Variants in FANK1 observed in about 807,000 individuals in gnomAD.
FANK1 encodes the protein fibronectin type 3 and ankyrin repeat domains protein 1.
Under a neutral mutation model 45.3 loss-of-function variants are expected in FANK1, and 44 were observed. That is an observed-to-expected ratio of 0.97 (90% CI 0.76 to 1.25). The LOEUF (loss-of-function observed/expected upper bound fraction) is 1.25. Among genes scored for constraint, FANK1 ranks in the 50% most tolerant of loss-of-function variants. FANK1 has a pLI of 0.00. For synonymous variants in FANK1, 149 were observed against 152.5 expected (o/e 0.98, Z 0.17); for missense variants, 391 against 424.4 (o/e 0.92, Z 0.69).
chr10:125,916,921 TTC>T (rs1946490606), intron 1 of FANK1, among the ~76,000 whole-genome samples: 1 of 152,198 alleles, frequency 6.6e-6, no homozygotes, highest in Non-Finnish European at 1.5e-5. Flanking sequence ...AGGAACATCC[TTC>T]TCTCTGAAGA....
At chr10:125,974,513 G>T (rs1172616727) in intron 1 of FANK1, among the ~76,000 whole-genome samples, 1 of 152,226 alleles carries the variant, frequency 6.6e-6, no homozygotes, top group Non-Finnish European at 1.5e-5. Context: ...GAAACTTAAA[G>T]TGTAGCAGGG....
chr10:125,952,235 A>G (rs1949284915), intron 1 of FANK1, among the ~76,000 whole-genome samples: 1 of 152,072 alleles, frequency 6.6e-6, no homozygotes, highest in East Asian at 1.9e-4. Flanking sequence ...AATTATGTAC[A>G]CTATTTTTTG....
intron 8 of FANK1, 137 bp from the exon 9 acceptor site, chr10:126,008,917 G>C: frequency 1.3e-6 from 1 of 757,798 alleles, no homozygotes; most frequent in African/African-American, 1.8e-5. Context: ...TGTGCCTGCA[G>C]GCCATGCAAA....
At position 125,988,547 on chromosome 10, in the gene FANK1, C is replaced by T. The variant is rs1239235075; in HGVS notation, c.192-4C>T. The T allele has an allele frequency of 1.2e-6, 2 of 1,613,754 alleles. No individual in the cohort carries two copies. On this transcript the variant is annotated splice_region_variant and splice_polypyrimidine_tract_variant and intron_variant, in intron 2 of 10. Coordinates refer to ENST00000368693, the MANE Select transcript of FANK1 (RefSeq NM_145235.5). ...TATCAGCATGTTTGTCTCCTCCTGT[C>T]TAGGGGATATGCAACGAAGCATGTT...
At chr10:125,980,497 A>G (rs1444759604) in intron 2 of FANK1, 159 bp downstream of exon 2, 1 of 705,938 alleles carries the variant, frequency 1.4e-6, no homozygotes, top group East Asian at 2.8e-5. Context: ...TTTGGAAAAT[A>G]GGCATTAGCA....
At chr10:125,975,308 C>A (rs1039738832) in intron 1 of FANK1, among the ~76,000 whole-genome samples, 15 of 152,176 alleles carry the variant, frequency 9.9e-5, no homozygotes, top group Admixed American at 9.8e-4. Flanking sequence ...AGTGAACATT[C>A]ACATGCATGT....
intron 7 of FANK1, chr10:126,007,096 CTT>C (rs1447797751): frequency 1.3e-5 from 2 of 152,220 alleles, no homozygotes; most frequent in Non-Finnish European, 2.9e-5. Context: ...CAACATGAGT[CTT>C]TCCATATTCT....
intron 6 of FANK1, among the ~76,000 whole-genome samples, chr10:125,997,889 C>T (rs2886649): frequency 0.051 from 7,814 of 152,278 alleles, 511 homozygotes; most frequent in African/African-American, 0.15. Context: ...AAGAAATCTT[C>T]GTTGTTTCTA....
chr10:126,008,450 G>C lies in FANK1; in HGVS notation c.749G>C (p.Arg250Thr). 6.2e-7 allele frequency: 1 copy of C among 1,613,288 alleles called. No homozygotes were observed. ...DTGSGWTPLM[R>T]VSAVSGNQRV... is the part of the protein sequence containing the mutation. ...GGTTCAGGATGGACCCCACTCATGAGAGTCTCTGCGGTGTCGGGAAATCAG... is the reference window on the plus strand; with the variant it reads ...GGTTCAGGATGGACCCCACTCATGACAGTCTCTGCGGTGTCGGGAAATCAG... The change falls in exon 8 of 11, where the codon AGA (arginine) becomes ACA (threonine). Residue 250 changes from arginine (R) to threonine (T), a missense_variant. By Grantham distance (71) the Arg-to-Thr change is moderately conservative. Transcript: ENST00000368693.
chr10:126,002,978 AG>A (rs1333842327), intron 6 of FANK1, among the ~76,000 whole-genome samples: 1 of 151,838 alleles, frequency 6.6e-6, no homozygotes, highest in Non-Finnish European at 1.5e-5. Flanking sequence ...TGTTCCCCAA[AG>A]GTCTTCCACA....
At chr10:126,008,025 T>C (rs1953363397) in intron 7 of FANK1, among the ~76,000 whole-genome samples, 1 of 152,200 alleles carries the variant, frequency 6.6e-6, no homozygotes, top group Non-Finnish European at 1.5e-5. Context: ...AGTGTGTATA[T>C]ATATTATTAC....
chr10:125,989,534 G>T, intron 3 of FANK1: 1 of 745,822 alleles, frequency 1.3e-6, no homozygotes, highest in South Asian at 1.5e-5. Flanking sequence ...CTCAGCTTTT[G>T]AGTTAACTCA....
At chr10:125,966,100 G>A (rs959403455) in intron 1 of FANK1, among the ~76,000 whole-genome samples, 1 of 152,130 alleles carries the variant, frequency 6.6e-6, no homozygotes, top group Non-Finnish European at 1.5e-5. Flanking sequence ...ACTCTAGGGA[G>A]TTTTGTCTTT....
chr10:125,897,980 C>T (rs1288507952), intron 1 of FANK1, among the ~76,000 whole-genome samples: 4 of 110,626 alleles, frequency 3.6e-5, no homozygotes, highest in Non-Finnish European at 6.7e-5. Flanking sequence ...CATAGTGAAA[C>T]CCATCTCTAC....
intron 1 of FANK1, among the ~76,000 whole-genome samples, chr10:125,924,146 G>A (rs1242229988): frequency 4.6e-5 from 7 of 151,886 alleles, no homozygotes; most frequent in Non-Finnish European, 8.8e-5. Flanking sequence ...TTTTAGCTTG[G>A]CTGATTCTAT....
At chr10:125,947,929 G>A in intron 1 of FANK1, among the ~76,000 whole-genome samples, 1 of 147,468 alleles carries the variant, frequency 6.8e-6, no homozygotes, top group South Asian at 2.3e-4. Context: ...AGACCACAGT[G>A]CAATCAAACT....
intron 1 of FANK1, among the ~76,000 whole-genome samples, chr10:125,938,642 C>T (rs1443485240): frequency 6.6e-6 from 1 of 152,092 alleles, no homozygotes; most frequent in East Asian, 1.9e-4. Context: ...AACCTTGTCC[C>T]TACTAAAAAT....
At chr10:125,998,923 G>C (rs1952543449) in intron 6 of FANK1, among the ~76,000 whole-genome samples, 1 of 152,122 alleles carries the variant, frequency 6.6e-6, no homozygotes, top group Non-Finnish European at 1.5e-5. Context: ...TAATAAACTT[G>C]GGCTTTTCCA....
intron 1 of FANK1, among the ~76,000 whole-genome samples, chr10:125,921,519 C>T (rs543080621): frequency 6.6e-6 from 1 of 152,250 alleles, no homozygotes; most frequent in African/African-American, 2.4e-5. Context: ...TTTCATTTCA[C>T]TTGTGCAAAT....
Sources: gnomAD v4.1 joint callset for allele counts (sites outside exome capture counted in the v4.1 genomes callset) on GRCh38, gnomAD v4.1.1 for gene constraint, MANE v1.5 for transcripts, NCBI Gene and HGNC (gene_info 2026-07-23, HGNC 2026-07-21) for gene names.